KCNT2: variants seen among roughly 807,000 people sequenced by gnomAD.
KCNT2 encodes potassium sodium-activated channel subfamily T member 2, also known as potassium channel subfamily T member 2.
In KCNT2, 67 loss-of-function variants were observed where a neutral mutation model predicts 153.8. The ratio of observed to expected loss-of-function variants is 0.44; its 90% CI spans 0.36 to 0.53. The LOEUF (loss-of-function observed/expected upper bound fraction) is 0.53. KCNT2 is among the 20% of genes least tolerant of loss of function. The pLI, the probability that KCNT2 is intolerant of heterozygous loss-of-function variation, is 0.00. For synonymous variants in KCNT2, 500 were observed against 458.8 expected (o/e 1.09, Z -1.15); for missense variants, 975 against 1,354.8 (o/e 0.72, Z 4.40).
intron 14 of KCNT2, among the ~76,000 whole-genome samples, chr1:196,349,706 AT>A (rs1159185859): frequency 6.0e-5 from 9 of 150,928 alleles, no homozygotes; most frequent in African/African-American, 1.9e-4. Context: ...TTATTCTTTT[AT>A]TTTTTTATTA....
intron 1 of KCNT2, among the ~76,000 whole-genome samples, chr1:196,498,118 G>A (rs10922075): frequency 0.33 from 49,412 of 151,608 alleles, 8,077 homozygotes; most frequent in Admixed American, 0.39. Context: ...TGGTACTTGA[G>A]TTCAATGTAA....
chr1:196,388,504 A>C (rs539484016), intron 13 of KCNT2, among the ~76,000 whole-genome samples: 1 of 151,762 alleles, frequency 6.6e-6, no homozygotes, highest in East Asian at 1.9e-4. Flanking sequence ...ACATGTTAAA[A>C]TATTGAATCT....
At chr1:196,350,678 C>A (rs1254886171) in intron 14 of KCNT2, among the ~76,000 whole-genome samples, 2 of 152,094 alleles carry the variant, frequency 1.3e-5, no homozygotes. Context: ...ATGGTAATTT[C>A]TTTTGCTGTG....
intron 1 of KCNT2, among the ~76,000 whole-genome samples, chr1:196,507,071 A>C (rs947381515): frequency 1.3e-5 from 2 of 152,132 alleles, no homozygotes; most frequent in African/African-American, 4.8e-5. Context: ...TTATTAGAAA[A>C]TGTGAAATCT....
chr1:196,353,740 A>G (rs762143290), intron 14 of KCNT2, among the ~76,000 whole-genome samples: 1 of 152,044 alleles, frequency 6.6e-6, no homozygotes, highest in Non-Finnish European at 1.5e-5. Flanking sequence ...ACCAAGTGGA[A>G]TAAGGGCTGT....
Position 196,373,009 on chromosome 1 carries a change from A to T in KCNT2, c.1403+131T>A. The T allele has an allele frequency of 1.3e-5, 7 of 531,200 alleles. No individual in the cohort carries two copies. In the South Asian group the frequency reaches 2.1e-4, roughly 16 times the overall value. The allele number at this position is 531,200 out of a possible 1,614,324, so 32.9% of individuals were successfully genotyped here. On this transcript the variant is annotated intron_variant, in intron 14 of 27. Coordinates refer to ENST00000294725, the MANE Select transcript of KCNT2 (RefSeq NM_198503.5). ...TTTATTTATCTACCAGATAAAGATA[A>T]CTCACACAAATTCAAGTATAGGTAC...
chr1:196,561,681 G>GAAA (rs1659430349), intron 1 of KCNT2, among the ~76,000 whole-genome samples: 1 of 50,836 alleles, frequency 2.0e-5, no homozygotes. Flanking sequence ...AAAAAAAGAA[G>GAAA]AAGAAGAAAG....
chr1:196,490,761 T>G (rs896707295), intron 2 of KCNT2, among the ~76,000 whole-genome samples: 4 of 151,900 alleles, frequency 2.6e-5, no homozygotes, highest in Non-Finnish European at 4.4e-5. Context: ...AAGCACAATA[T>G]GCATAAAGTC....
chr1:196,280,256 T>C (rs1658969693), intron 25 of KCNT2, among the ~76,000 whole-genome samples: 1 of 152,190 alleles, frequency 6.6e-6, no homozygotes, highest in Non-Finnish European at 1.5e-5. Context: ...AATGCAAATA[T>C]GTTTCGGGTG....
intron 13 of KCNT2, among the ~76,000 whole-genome samples, chr1:196,373,751 A>G (rs1668720021): frequency 6.6e-6 from 1 of 151,950 alleles, no homozygotes; most frequent in African/African-American, 2.4e-5. Context: ...TGCCTAGCAT[A>G]GAAGAAATAT....
chr1:196,588,780 C>T (rs113006652), intron 1 of KCNT2, among the ~76,000 whole-genome samples: 5 of 14,568 alleles, frequency 3.4e-4, no homozygotes, highest in African/African-American at 3.7e-4. Flanking sequence ...AATACATAGA[C>T]TACTAACTGT....
Position 196,421,592 on chromosome 1 carries a change from G to C in KCNT2, c.1185+1458C>G, listed in dbSNP as rs576704029. Among the ~76,000 whole-genome samples, 9 of 152,096 alleles carry C rather than the reference G, an allele frequency of 5.9e-5. No individual in the cohort carries two copies. In the East Asian group the frequency reaches 1.7e-3, roughly 30 times the overall value. ...GATGAATCAGTCTGATCTGAATTAA[G>C]GTAGTAATTGTGAAGAAAGTGGGGA... On this transcript the variant is annotated intron_variant, in intron 12 of 27. Transcript: ENST00000294725.
At chr1:196,420,731 T>C (rs1167075684) in intron 12 of KCNT2, among the ~76,000 whole-genome samples, 3 of 152,048 alleles carry the variant, frequency 2.0e-5, no homozygotes, top group Non-Finnish European at 4.4e-5. Flanking sequence ...CAGGCTGTAA[T>C]GCTTCTCAGA....
chr1:196,338,097 A>C (rs1360002528), intron 16 of KCNT2, among the ~76,000 whole-genome samples: 1 of 152,142 alleles, frequency 6.6e-6, no homozygotes, highest in Non-Finnish European at 1.5e-5. Flanking sequence ...TAAGTAAATG[A>C]CAAATAGGAT....
At chr1:196,575,308 T>C (rs191485245) in intron 1 of KCNT2, among the ~76,000 whole-genome samples, 10 of 152,266 alleles carry the variant, frequency 6.6e-5, no homozygotes, top group East Asian at 3.9e-4. Flanking sequence ...ATGGTATCTA[T>C]ATTATTTTTT....
At chr1:196,305,113 AT>A in intron 22 of KCNT2, 120 bp downstream of exon 22, 1 of 650,796 alleles carries the variant, frequency 1.5e-6, no homozygotes, top group Non-Finnish European at 2.7e-6. Flanking sequence ...CATCTCCCAA[AT>A]AAAAATTCAA....
At chr1:196,534,112 A>AT (rs1655264817) in intron 1 of KCNT2, among the ~76,000 whole-genome samples, 1 of 152,116 alleles carries the variant, frequency 6.6e-6, no homozygotes, top group Non-Finnish European at 1.5e-5. Context: ...GAAAAAAAAA[A>AT]GGAAGAATCT....
At chr1:196,602,220 C>T (rs1664799708) in intron 1 of KCNT2, among the ~76,000 whole-genome samples, 1 of 152,062 alleles carries the variant, frequency 6.6e-6, no homozygotes, top group Non-Finnish European at 1.5e-5. Context: ...GCCAAGTGAA[C>T]TTAATTTCAA....
chr1:196,382,439 A>G (rs1669592362), intron 13 of KCNT2, among the ~76,000 whole-genome samples: 1 of 152,036 alleles, frequency 6.6e-6, no homozygotes. Context: ...ATAATTAAGA[A>G]AAGTTGTTTG....
Sources: allele counts gnomAD v4.1 joint callset (sites outside exome capture counted in the v4.1 genomes callset), GRCh38; gene constraint gnomAD v4.1.1; transcripts MANE v1.5; gene names NCBI Gene and HGNC (gene_info 2026-07-23, HGNC 2026-07-21).